GPR141: variants seen among roughly 807,000 people sequenced by gnomAD.
The protein encoded by GPR141 is probable G protein-coupled receptor 141.
In GPR141, 6 loss-of-function variants were observed where a neutral mutation model predicts 6.8. The ratio of observed to expected loss-of-function variants is 0.88; its 90% CI spans 0.48 to 1.74. The LOEUF (loss-of-function observed/expected upper bound fraction) is 1.74, where lower values mean the gene tolerates loss of function less well. Among genes scored for constraint, GPR141 ranks in the 40% most tolerant of loss-of-function variants. The probability of loss-of-function intolerance (pLI) is 0.01; values close to 1 mark genes in which losing one functional copy is unlikely to be tolerated. For synonymous variants in GPR141, 140 were observed against 142.3 expected (o/e 0.98, Z 0.11); for missense variants, 372 against 372.9 (o/e 1.00, Z 0.02).
chr7:37,740,842 T>C lies in GPR141; in HGVS notation c.449T>C (p.Leu150Pro). ...WTLVIVIVVP[L>P]VVSRYGIHEE... is the part of the protein sequence containing the mutation. ...CTGGTGATTGTCATTGTGGTACCCC[T>C]GGTTGTCTCCCGGTATGGAATCCAT... The change falls in exon 3 of 3, where the codon CTG becomes CCG. Residue 150 changes from leucine to proline, a missense_variant. Physicochemically the swap from Leu to Pro is moderately conservative, Grantham distance 98. Coordinates refer to ENST00000334425, the MANE Select transcript of GPR141 (RefSeq NM_001381946.1). The C allele has an allele frequency of 1.9e-6, 3 of 1,614,150 alleles. No homozygotes were observed. The highest frequency in any genetic ancestry group is 2.5e-6 in the Non-Finnish European group (3 of 1,179,978).
At chr7:37,698,542 T>A (rs942285697) in intron 2 of GPR141, among the ~76,000 whole-genome samples, 1 of 151,998 alleles carries the variant, frequency 6.6e-6, no homozygotes, top group East Asian at 1.9e-4. Flanking sequence ...AGGATTTGGG[T>A]TTTGGTTGGG....
chr7:37,740,310 A>T, intron 2 of GPR141, 70 bp from the exon 3 acceptor site: 1 of 910,106 alleles, frequency 1.1e-6, no homozygotes, highest in Non-Finnish European at 1.7e-6. Context: ...TCACATTGTC[A>T]GTGCTGTAAA....
intron 2 of GPR141, among the ~76,000 whole-genome samples, chr7:37,714,004 C>T (rs1810930143): frequency 6.6e-6 from 1 of 151,944 alleles, no homozygotes; most frequent in Non-Finnish European, 1.5e-5. Context: ...GGCTATGAAG[C>T]CAATGGTTTT....
At chr7:37,689,340 C>T (rs1809655688) in intron 2 of GPR141, among the ~76,000 whole-genome samples, 1 of 152,020 alleles carries the variant, frequency 6.6e-6, no homozygotes, top group African/African-American at 2.4e-5. Flanking sequence ...GGGATATAGG[C>T]CTATAATTTT....
At chr7:37,697,209 G>T (rs941203864) in intron 2 of GPR141, among the ~76,000 whole-genome samples, 3 of 151,890 alleles carry the variant, frequency 2.0e-5, no homozygotes, top group African/African-American at 7.2e-5. Flanking sequence ...ACTTAATTAC[G>T]AGAAATTACA....
At chr7:37,711,250 G>C (rs998122175) in intron 2 of GPR141, among the ~76,000 whole-genome samples, 2 of 152,170 alleles carry the variant, frequency 1.3e-5, no homozygotes, top group Non-Finnish European at 2.9e-5. Flanking sequence ...CAGAGACTCT[G>C]TTTCAACAGG....
rs1269042204 is a variant in GPR141 at position 37,740,800 on chromosome 7, G to A, written c.407G>A (p.Ser136Asn). ...FYRKLHAVAA[S>N]AGMWTLVIVI... ...AGAAAACTGCATGCTGTGGCTGCCA[G>A]TGCTGGCATGTGGACGCTGGTGATT... The change falls in exon 3 of 3, where the codon AGT becomes AAT. Residue 136 changes from serine (S) to asparagine (N), a missense_variant. Coordinates refer to ENST00000334425, the MANE Select transcript of GPR141 (RefSeq NM_001381946.1). The A allele has an allele frequency of 1.9e-6, 3 of 1,614,202 alleles. No homozygotes were observed. Among genetic ancestry groups the A allele is most frequent in the Non-Finnish European group, 2.5e-6 (3 of 1,180,022 alleles).
At chr7:37,736,498 A>G (rs1019020645) in intron 2 of GPR141, among the ~76,000 whole-genome samples, 1 of 149,870 alleles carries the variant, frequency 6.7e-6, no homozygotes, top group Non-Finnish European at 1.5e-5. Context: ...AACAGAGGAA[A>G]AAAAAAAAAA....
rs539435387 is a variant in GPR141 at position 37,743,089 on chromosome 7, A to G, written c.*1778A>G. Among the ~76,000 whole-genome samples the G allele has an allele frequency of 6.6e-6, 1 of 152,044 alleles. No individual in the cohort carries two copies. The highest frequency in any genetic ancestry group is 1.5e-5 in the Non-Finnish European group (1 of 68,006). On this transcript the variant is annotated 3_prime_UTR_variant, in exon 3 of 3. Transcript: ENST00000334425. ...TGTTTTATCTTAAAATTTTCCCAGGATCTGATCCAGTTTCATATTTAATGC... is the reference window on the plus strand; with the variant it reads ...TGTTTTATCTTAAAATTTTCCCAGGGTCTGATCCAGTTTCATATTTAATGC...
intron 2 of GPR141, among the ~76,000 whole-genome samples, chr7:37,716,795 G>A (rs1811071614): frequency 6.6e-6 from 1 of 152,178 alleles, no homozygotes; most frequent in South Asian, 2.1e-4. Context: ...TCTGAATAAA[G>A]TTTCAACTGT....
chr7:37,687,310 G>A (rs1583512852), intron 2 of GPR141, among the ~76,000 whole-genome samples: 1 of 152,174 alleles, frequency 6.6e-6, no homozygotes, highest in South Asian at 2.1e-4. Context: ...GATTTAAAAT[G>A]TTGAGAAATG....
At chr7:37,705,508 A>G (rs1250403018) in intron 2 of GPR141, among the ~76,000 whole-genome samples, 1 of 152,138 alleles carries the variant, frequency 6.6e-6, no homozygotes, top group African/African-American at 2.4e-5. Context: ...TACATCTGCA[A>G]ATCTAGGGTT....
At chr7:37,725,608 A>G (rs1189540125) in intron 2 of GPR141, among the ~76,000 whole-genome samples, 2 of 152,122 alleles carry the variant, frequency 1.3e-5, no homozygotes, top group Non-Finnish European at 1.5e-5. Flanking sequence ...TTTTTGCACA[A>G]TGGCTTTACT....
chr7:37,714,188 A>G (rs920560002), intron 2 of GPR141, among the ~76,000 whole-genome samples: 3 of 152,140 alleles, frequency 2.0e-5, no homozygotes, highest in African/African-American at 7.2e-5. Context: ...ACGTGTTATT[A>G]TTATCCTCTG....
chr7:37,710,871 T>C (rs1160426583), intron 2 of GPR141, among the ~76,000 whole-genome samples: 2 of 152,190 alleles, frequency 1.3e-5, no homozygotes, highest in African/African-American at 4.8e-5. Flanking sequence ...GAGTTCTGTA[T>C]CTTCTTAGTT....
intron 2 of GPR141, among the ~76,000 whole-genome samples, chr7:37,708,034 A>G (rs889245700): frequency 1.3e-5 from 2 of 152,204 alleles, no homozygotes; most frequent in Admixed American, 6.5e-5. Flanking sequence ...AATTTCCTAA[A>G]TTGAAGAGAA....
At chr7:37,739,721 G>A (rs1319999332) in intron 2 of GPR141, among the ~76,000 whole-genome samples, 2 of 152,132 alleles carry the variant, frequency 1.3e-5, no homozygotes, top group Non-Finnish European at 2.9e-5. Flanking sequence ...TTTGAGAGTA[G>A]GAGATGAGAG....
At chr7:37,697,594 G>C (rs190672956) in intron 2 of GPR141, among the ~76,000 whole-genome samples, 1 of 152,300 alleles carries the variant, frequency 6.6e-6, no homozygotes, top group East Asian at 1.9e-4. Flanking sequence ...GTTTAGGAAG[G>C]AGGGAGATCA....
At chr7:37,708,965 A>G (rs1810666204) in intron 2 of GPR141, among the ~76,000 whole-genome samples, 1 of 152,204 alleles carries the variant, frequency 6.6e-6, no homozygotes, top group African/African-American at 2.4e-5. Context: ...AAATGGAGGT[A>G]TTATTAAACT....
Sources: gnomAD v4.1 joint callset for allele counts (sites outside exome capture counted in the v4.1 genomes callset) on GRCh38, gnomAD v4.1.1 for gene constraint, MANE v1.5 for transcripts, NCBI Gene and HGNC (gene_info 2026-07-23, HGNC 2026-07-21) for gene names.